PLSCR1: variants seen among roughly 807,000 people sequenced by gnomAD.
PLSCR1 encodes phospholipid scramblase 1.
Under a neutral mutation model 37.8 loss-of-function variants are expected in PLSCR1, and 17 were observed. That is an observed-to-expected ratio of 0.45 (90% CI 0.31 to 0.68). PLSCR1 has a LOEUF of 0.68. PLSCR1 is among the 30% of genes least tolerant of loss of function. PLSCR1 has a pLI of 0.06. For missense variants in PLSCR1, 347 were observed against 380.9 expected, an observed-to-expected ratio of 0.91 and a Z score of 0.74; for synonymous variants, 116 against 125.9, an observed-to-expected ratio of 0.92 and a Z score of 0.53.
chr3:146,516,842 G>C, intron 8 of PLSCR1, 164 bp downstream of exon 8: 1 of 541,158 alleles, frequency 1.8e-6, no homozygotes, highest in East Asian at 3.5e-5. Context: ...TGTGACCCCA[G>C]AGTGTCAGGA....
At position 146,516,009 on chromosome 3, in the gene PLSCR1, G is replaced by A; in HGVS notation, c.*36C>T. ...TTTAGATAGTCTCAATCAATATACA[G>A]ACTTCAGATTTCCTGAGGAGACTTT... On this transcript the variant is annotated 3_prime_UTR_variant, in exon 9 of 9. Transcript: ENST00000342435. The A allele has an allele frequency of 1.5e-6, 2 of 1,365,432 alleles. No homozygotes were observed. Among genetic ancestry groups the A allele is most frequent in the Non-Finnish European group, 2.1e-6 (2 of 954,998 alleles). 84.6% of individuals were successfully genotyped at this position (1,365,432 alleles called of 1,614,324 possible). A position where few individuals can be genotyped will look rare whatever the true frequency, so the allele number is the denominator to read the frequency against.
chr3:146,533,073 T>C (rs976470534), intron 3 of PLSCR1, among the ~76,000 whole-genome samples: 6 of 152,192 alleles, frequency 3.9e-5, no homozygotes, highest in Non-Finnish European at 8.8e-5. Flanking sequence ...TGACTCAGTT[T>C]ATCAGAAATA....
At position 146,543,049 on chromosome 3, in the gene PLSCR1, A is replaced by C. The variant is rs536993369; in HGVS notation, c.-14+1418T>G. Among the ~76,000 whole-genome samples the C allele has an allele frequency of 2.0e-5, 3 of 152,312 alleles. No homozygotes were observed. The South Asian group carries it at 6.2e-4, about 32-fold the overall frequency. ...AGACTAGGAGATGAAGGAAGTCTCA[A>C]ATCAACTAGTCTATGGAGGTATGGT... On this transcript the variant is annotated intron_variant, in intron 1 of 8. Transcript: ENST00000342435.
chr3:146,537,236 A>C (rs1164410974), intron 1 of PLSCR1, among the ~76,000 whole-genome samples: 1 of 152,094 alleles, frequency 6.6e-6, no homozygotes, highest in East Asian at 1.9e-4. Flanking sequence ...ATTGCAGCAA[A>C]CATTCTACTC....
chr3:146,521,456 C>T, intron 7 of PLSCR1, 88 bp downstream of exon 7: 1 of 1,126,246 alleles, frequency 8.9e-7, no homozygotes, highest in Non-Finnish European at 1.3e-6. Context: ...GCACACAACA[C>T]TTATTTAATG....
At chr3:146,537,333 C>T (rs16858455) in intron 1 of PLSCR1, among the ~76,000 whole-genome samples, 1 of 152,028 alleles carries the variant, frequency 6.6e-6, no homozygotes, top group Non-Finnish European at 1.5e-5. Context: ...CTGTAGATCC[C>T]GATGCCCTTC....
intron 3 of PLSCR1, among the ~76,000 whole-genome samples, chr3:146,529,515 C>CTT (rs2044166602): frequency 6.9e-6 from 1 of 143,978 alleles, no homozygotes; most frequent in Admixed American, 7.2e-5. Flanking sequence ...TCTTTCTTTC[C>CTT]ATTTTTTTTT....
intron 2 of PLSCR1, among the ~76,000 whole-genome samples, chr3:146,534,863 G>A (rs912641929): frequency 3.9e-5 from 6 of 152,062 alleles, no homozygotes; most frequent in Non-Finnish European, 7.3e-5. Flanking sequence ...GCGACAGAGC[G>A]AGACTCCATC....
chr3:146,531,703 T>C lies in PLSCR1; in HGVS notation c.94+1767A>G, dbSNP rs113640347. 7.5e-3 allele frequency among the ~76,000 whole-genome samples: 1,135 copies of C among 152,338 alleles called. 16 individuals carry two copies. Among genetic ancestry groups the C allele is most frequent in the African/African-American group, 0.025 (1,059 of 41,576 alleles). Reference sequence around the variant, plus strand: ...TTTGCAAGCATTGTGCTCAGTGTTTTACATATACTCTCATTTACTCTACAA... The same window carrying C: ...TTTGCAAGCATTGTGCTCAGTGTTTCACATATACTCTCATTTACTCTACAA... On this transcript the variant is annotated intron_variant, in intron 3 of 8. Coordinates refer to ENST00000342435, the MANE Select transcript of PLSCR1 (RefSeq NM_021105.3).
chr3:146,531,151 C>T (rs2044192798), intron 3 of PLSCR1, among the ~76,000 whole-genome samples: 1 of 152,176 alleles, frequency 6.6e-6, no homozygotes, highest in Non-Finnish European at 1.5e-5. Context: ...CACCTTTATG[C>T]TGAGATCTGA....
intron 1 of PLSCR1, chr3:146,536,916 T>C (rs1252030846): frequency 1.1e-5 from 2 of 188,068 alleles, no homozygotes; most frequent in Non-Finnish European, 1.1e-5. Flanking sequence ...TTGAACAATC[T>C]AAAGGAAATG....
Position 146,532,395 on chromosome 3 carries a change from C to T in PLSCR1, c.94+1075G>A, listed in dbSNP as rs185538967. On this transcript the variant is annotated intron_variant, in intron 3 of 8. Coordinates refer to ENST00000342435, the MANE Select transcript of PLSCR1 (RefSeq NM_021105.3). Reference sequence around the variant, plus strand: ...GATTACTATTCCTTGAGTCCCACCACTGGAAGCTATGATTTAATTTTTCTG... The same window carrying T: ...GATTACTATTCCTTGAGTCCCACCATTGGAAGCTATGATTTAATTTTTCTG... Among the ~76,000 whole-genome samples the T allele has an allele frequency of 6.0e-4, 92 of 152,320 alleles. 1 individual carries two copies. In the East Asian group the frequency reaches 0.016, roughly 27 times the overall value.
chr3:146,520,207 T>G (rs184669185), intron 7 of PLSCR1: 1 of 152,154 alleles, frequency 6.6e-6, no homozygotes, highest in Non-Finnish European at 1.5e-5. Flanking sequence ...AAAGTTAATT[T>G]ATTACATGGA....
intron 1 of PLSCR1, among the ~76,000 whole-genome samples, chr3:146,542,266 T>C (rs1283131592): frequency 6.6e-6 from 1 of 152,150 alleles, no homozygotes; most frequent in Non-Finnish European, 1.5e-5. Context: ...AGGTTCCCTC[T>C]GTCTATAATG....
At chr3:146,543,353 A>G (rs1353656281) in intron 1 of PLSCR1, among the ~76,000 whole-genome samples, 1 of 151,700 alleles carries the variant, frequency 6.6e-6, no homozygotes, top group Non-Finnish European at 1.5e-5. Context: ...CCAATTGCAT[A>G]AATCCACTCT....
chr3:146,525,080 T>C (rs962123880), intron 5 of PLSCR1, among the ~76,000 whole-genome samples: 4 of 152,252 alleles, frequency 2.6e-5, no homozygotes, highest in Admixed American at 2.0e-4. Flanking sequence ...AGTGCTCTTC[T>C]ATGAAGCCAA....
At chr3:146,528,250 C>T (rs1390320001) in intron 4 of PLSCR1, 1 of 232,044 alleles carries the variant, frequency 4.3e-6, no homozygotes, top group Admixed American at 5.3e-5. Context: ...GCTATATAAC[C>T]TCTCTGGACC....
At chr3:146,533,642 T>C in intron 2 of PLSCR1, 92 bp from the exon 3 acceptor site, 1 of 713,836 alleles carries the variant, frequency 1.4e-6, no homozygotes, top group Non-Finnish European at 2.4e-6. Context: ...TTGTAACTTG[T>C]ATGTTCTTAT....
chr3:146,539,102 T>C (rs551176448), intron 1 of PLSCR1, among the ~76,000 whole-genome samples: 6 of 152,294 alleles, frequency 3.9e-5, no homozygotes, highest in African/African-American at 1.4e-4. Context: ...GATTATACAA[T>C]TCATTATAAG....
Sources: allele counts gnomAD v4.1 joint callset (sites outside exome capture counted in the v4.1 genomes callset), GRCh38; gene constraint gnomAD v4.1.1; transcripts MANE v1.5; gene names NCBI Gene and HGNC (gene_info 2026-07-23, HGNC 2026-07-21).